NOS1AP: variants seen among roughly 807,000 people sequenced by gnomAD.
NOS1AP encodes carboxyl-terminal PDZ ligand of neuronal nitric oxide synthase protein.
A neutral mutation model predicts 56.2 loss-of-function variants in NOS1AP; 21 were observed. That is an observed-to-expected ratio of 0.37 (90% confidence interval 0.26 to 0.54). The LOEUF (loss-of-function observed/expected upper bound fraction) is 0.54, where lower values mean the gene tolerates loss of function less well. Ranked by LOEUF, NOS1AP falls within the 20% of genes least tolerant of loss-of-function variation. The probability of loss-of-function intolerance (pLI) is 0.84; values close to 1 mark genes in which losing one functional copy is unlikely to be tolerated. For synonymous variants in NOS1AP, 270 were observed against 274.6 expected, an observed-to-expected ratio of 0.98 and a Z score of 0.17; for missense variants, 522 against 657.8, an observed-to-expected ratio of 0.79 and a Z score of 2.26.
At chr1:162,152,929 C>T (rs937016628) in intron 1 of NOS1AP, among the ~76,000 whole-genome samples, 5 of 151,938 alleles carry the variant, frequency 3.3e-5, no homozygotes, top group African/African-American at 1.2e-4. Flanking sequence ...AGTCTGGGCT[C>T]TTAATTTCTA....
At chr1:162,276,165 G>A (rs2101724437) in intron 2 of NOS1AP, among the ~76,000 whole-genome samples, 1 of 152,296 alleles carries the variant, frequency 6.6e-6, no homozygotes, top group South Asian at 2.1e-4. Flanking sequence ...TGGTACTGGG[G>A]ATGAGTTGGG....
intron 1 of NOS1AP, among the ~76,000 whole-genome samples, chr1:162,146,912 C>G (rs1649484876): frequency 6.6e-6 from 1 of 152,150 alleles, no homozygotes; most frequent in African/African-American, 2.4e-5. Flanking sequence ...GTCCTGCGTT[C>G]TATGCAGAGC....
At chr1:162,314,400 C>T (rs1161308884) in intron 4 of NOS1AP, among the ~76,000 whole-genome samples, 2 of 152,210 alleles carry the variant, frequency 1.3e-5, no homozygotes, top group African/African-American at 4.8e-5. Flanking sequence ...GAGGGAATTA[C>T]CCTATGGAGA....
intron 1 of NOS1AP, among the ~76,000 whole-genome samples, chr1:162,098,638 G>A (rs12727810): frequency 0.51 from 77,093 of 151,890 alleles, 21,727 homozygotes; most frequent in Non-Finnish European, 0.64. Context: ...TAGCATCCAC[G>A]AGCTATTCTT....
intron 4 of NOS1AP, among the ~76,000 whole-genome samples, chr1:162,327,537 G>A (rs973887902): frequency 2.0e-5 from 3 of 152,196 alleles, no homozygotes; most frequent in African/African-American, 7.2e-5. Flanking sequence ...CAGATGGTCT[G>A]TGAGAACTTG....
In NOS1AP at chr1:162,188,698, G is replaced by A. The variant is rs910153458; in HGVS notation, c.177+34222G>A. On this transcript the variant is annotated intron_variant, in intron 2 of 9. Coordinates refer to ENST00000361897, the MANE Select transcript of NOS1AP (RefSeq NM_014697.3). The surrounding 1 kb of genome is among the most constrained non-coding windows in gnomAD (Gnocchi z 4.0). ...CCTTCCTTGAAGTGCAGTGAGTTTT[G>A]TTGAATGATAACAGTGTAATAAATG... Among the ~76,000 whole-genome samples the A allele has an allele frequency of 4.6e-5, 7 of 152,182 alleles. No homozygotes were observed. The highest frequency in any genetic ancestry group is 4.6e-4 in the Admixed American group (7 of 15,286).
intron 4 of NOS1AP, among the ~76,000 whole-genome samples, chr1:162,322,496 A>C (rs903173503): frequency 6.6e-6 from 1 of 152,110 alleles, no homozygotes; most frequent in Non-Finnish European, 1.5e-5. Context: ...AGAGGTATGG[A>C]GTTAGAGTCA....
intron 4 of NOS1AP, among the ~76,000 whole-genome samples, chr1:162,322,476 A>C (rs1656453622): frequency 6.6e-6 from 1 of 152,230 alleles, no homozygotes; most frequent in Non-Finnish European, 1.5e-5. Context: ...CATGCTGAGC[A>C]GGTGGCATGA....
intron 2 of NOS1AP, among the ~76,000 whole-genome samples, chr1:162,278,799 T>C (rs752806813): frequency 5.3e-5 from 8 of 152,000 alleles, no homozygotes; most frequent in Non-Finnish European, 1.0e-4. Context: ...ATGTGTATAT[T>C]TTGGGGTACA....
At chr1:162,074,938 T>A (rs1371187834) in intron 1 of NOS1AP, among the ~76,000 whole-genome samples, 1 of 152,148 alleles carries the variant, frequency 6.6e-6, no homozygotes, top group Non-Finnish European at 1.5e-5. Context: ...AAGCAGAAGC[T>A]CTTAAGGTTG....
At chr1:162,085,994 C>G (rs1691991455) in intron 1 of NOS1AP, among the ~76,000 whole-genome samples, 1 of 152,104 alleles carries the variant, frequency 6.6e-6, no homozygotes, top group Non-Finnish European at 1.5e-5. Context: ...ATATCCAATT[C>G]TGGACAAAAA....
intron 2 of NOS1AP, among the ~76,000 whole-genome samples, chr1:162,198,022 T>C (rs1651864278): frequency 6.6e-6 from 1 of 152,244 alleles, no homozygotes; most frequent in South Asian, 2.1e-4. Context: ...GGGCGAGTCA[T>C]GGAGGCGTCA....
At chr1:162,185,669 G>C (rs932131112) in intron 2 of NOS1AP, among the ~76,000 whole-genome samples, 2 of 152,084 alleles carry the variant, frequency 1.3e-5, no homozygotes, top group Non-Finnish European at 2.9e-5. Context: ...TACTGTCTAG[G>C]GTTGCTATAA....
At chr1:162,263,689 G>A (rs567295859) in intron 2 of NOS1AP, among the ~76,000 whole-genome samples, 236 of 152,176 alleles carry the variant, frequency 1.6e-3, no homozygotes, top group Non-Finnish European at 2.3e-3. Flanking sequence ...CAGAATTTCT[G>A]TTTCTGGCTT....
intron 1 of NOS1AP, among the ~76,000 whole-genome samples, chr1:162,145,086 T>C (rs963901877): frequency 2.0e-5 from 3 of 152,200 alleles, no homozygotes; most frequent in African/African-American, 7.2e-5. Flanking sequence ...TACTGATCAA[T>C]AGTGACACAG....
chr1:162,258,044 C>A lies in NOS1AP; in HGVS notation c.178-29300C>A, dbSNP rs74637981. Reference sequence around the variant, plus strand: ...TTTGAGCCTTATTTCTGATAATTCTCCAGTGCTCATTTCCTCCAAATGTAC... The same window carrying A: ...TTTGAGCCTTATTTCTGATAATTCTACAGTGCTCATTTCCTCCAAATGTAC... On this transcript the variant is annotated intron_variant, in intron 2 of 9. Coordinates refer to ENST00000361897, the MANE Select transcript of NOS1AP (RefSeq NM_014697.3). Among the ~76,000 whole-genome samples the A allele has an allele frequency of 9.3e-3, 1,418 of 152,132 alleles. 25 individuals carry two copies. The highest frequency in any genetic ancestry group is 0.033 in the African/African-American group (1,356 of 41,482).
At chr1:162,103,135 C>G (rs1647366861) in intron 1 of NOS1AP, among the ~76,000 whole-genome samples, 1 of 152,138 alleles carries the variant, frequency 6.6e-6, no homozygotes, top group Admixed American at 6.5e-5. Flanking sequence ...TACGTTGTCT[C>G]TTTGTTCTCA....
rs1229541039 is a variant in NOS1AP at position 162,368,663 on chromosome 1, G to A, written c.*1196G>A. 6.6e-6 allele frequency: 1 copy of A among 152,184 alleles called. No homozygotes were observed. The highest frequency in any genetic ancestry group is 1.5e-5 in the Non-Finnish European group (1 of 68,062). 9.4% of individuals were successfully genotyped at this position (152,184 alleles called of 1,614,324 possible). Reference sequence around the variant, plus strand: ...CTTTTATGATCTAGGCTTTGCCTAGGGATCACTACTCCTTAACGGGCTGGC... The same window carrying A: ...CTTTTATGATCTAGGCTTTGCCTAGAGATCACTACTCCTTAACGGGCTGGC... On this transcript the variant is annotated 3_prime_UTR_variant, in exon 10 of 10. Transcript: ENST00000361897.
chr1:162,309,999 A>T lies in NOS1AP; in HGVS notation c.344+9293A>T, dbSNP rs924339259. On this transcript the variant is annotated intron_variant, in intron 4 of 9. Transcript: ENST00000361897. ...GTATTGTTTTGTGGAGCCAAAAAGC[A>T]CTCTCAGGATTTAAGGATATCTTTA... Among the ~76,000 whole-genome samples the T allele has an allele frequency of 5.9e-5, 9 of 152,072 alleles. No individual in the cohort carries two copies. The East Asian group carries it at 1.7e-3, about 29-fold the overall frequency.
Sources: gnomAD v4.1 joint callset for allele counts (sites outside exome capture counted in the v4.1 genomes callset) on GRCh38, gnomAD v4.1.1 for gene constraint, Gnocchi (gnomAD v3.1) non-coding constraint, MANE v1.5 for transcripts, NCBI Gene and HGNC (gene_info 2026-07-23, HGNC 2026-07-21) for gene names.